The following UBR3 variants were observed in gnomAD, a reference collection of about 807,000 sequenced individuals.
The protein encoded by UBR3 is E3 ubiquitin-protein ligase UBR3.
Under a neutral mutation model 243.2 loss-of-function variants are expected in UBR3, and 85 were observed. The ratio of observed to expected loss-of-function variants is 0.35; its 90% CI spans 0.29 to 0.42. The LOEUF (loss-of-function observed/expected upper bound fraction) is 0.42, where lower values mean the gene tolerates loss of function less well. Ranked by LOEUF, UBR3 falls within the 10% of genes least tolerant of loss-of-function variation. UBR3 has a pLI of 1.00. For synonymous variants in UBR3, 748 were observed against 799.8 expected, an observed-to-expected ratio of 0.94 and a Z score of 1.09; for missense variants, 1,686 against 2,300.8, an observed-to-expected ratio of 0.73 and a Z score of 5.47.
intron 31 of UBR3, among the ~76,000 whole-genome samples, chr2:170,031,898 C>T (rs966954980): frequency 2.6e-5 from 4 of 152,120 alleles, no homozygotes; most frequent in African/African-American, 9.7e-5. Context: ...TATATAGGTA[C>T]TACATTTTCT....
intron 30 of UBR3, among the ~76,000 whole-genome samples, chr2:170,022,636 A>G (rs1480400460): frequency 6.6e-6 from 1 of 152,212 alleles, no homozygotes; most frequent in Admixed American, 6.5e-5. Flanking sequence ...TGATATATCC[A>G]TCATAGTTAA....
intron 25 of UBR3, among the ~76,000 whole-genome samples, chr2:169,993,780 G>A (rs1044759541): frequency 3.3e-5 from 5 of 152,138 alleles, no homozygotes; most frequent in African/African-American, 1.2e-4. Flanking sequence ...GTCAGTGAAC[G>A]TATTGTATTA....
chr2:170,057,923 A>G lies in UBR3; in HGVS notation c.4785+2339A>G, dbSNP rs114902107. Among the ~76,000 whole-genome samples the G allele has an allele frequency of 1.5e-3, 233 of 152,308 alleles. 1 individual carries two copies. Among genetic ancestry groups the G allele is most frequent in the African/African-American group, 5.2e-3 (217 of 41,574 alleles). On this transcript the variant is annotated intron_variant, in intron 33 of 38. Transcript: ENST00000272793. Reference sequence around the variant, plus strand: ...AGCTTTTTCTATAATAGACATAAACATTTAGATACATAGCAGTTTGTAAAT... The same window carrying G: ...AGCTTTTTCTATAATAGACATAAACGTTTAGATACATAGCAGTTTGTAAAT...
chr2:170,043,970 T>G (rs2091025494), intron 32 of UBR3, among the ~76,000 whole-genome samples: 1 of 152,180 alleles, frequency 6.6e-6, no homozygotes, highest in South Asian at 2.1e-4. Flanking sequence ...CCATTCCTTA[T>G]TAATTTTTTT....
intron 1 of UBR3, among the ~76,000 whole-genome samples, chr2:169,828,670 T>G (rs56154841): frequency 0.47 from 70,834 of 151,842 alleles, 18,492 homozygotes; most frequent in Non-Finnish European, 0.6. Flanking sequence ...TGTCAGTGGA[T>G]TATTTGGTAT....
At chr2:170,074,562 A>G (rs746825303) in intron 36 of UBR3, among the ~76,000 whole-genome samples, 4 of 152,178 alleles carry the variant, frequency 2.6e-5, no homozygotes, top group Non-Finnish European at 5.9e-5. Context: ...AGAATGTTTC[A>G]TAAGTATGCT....
intron 1 of UBR3, among the ~76,000 whole-genome samples, chr2:169,860,078 A>G (rs566527373): frequency 1.3e-5 from 2 of 152,266 alleles, no homozygotes; most frequent in Non-Finnish European, 1.5e-5. Context: ...TTCCATCATT[A>G]TGCTTTCATT....
At chr2:169,909,753 ATATATC>A (rs2085177256) in intron 10 of UBR3, among the ~76,000 whole-genome samples, 1 of 151,688 alleles carries the variant, frequency 6.6e-6, no homozygotes, top group African/African-American at 2.4e-5. Context: ...ATATATATAT[ATATATC>A]TTGAAACATC....
chr2:170,079,340 T>C (rs888830950), intron 36 of UBR3, among the ~76,000 whole-genome samples: 1 of 152,192 alleles, frequency 6.6e-6, no homozygotes, highest in African/African-American at 2.4e-5. Context: ...AGGAAAGCAA[T>C]TCTACATTAT....
intron 5 of UBR3, among the ~76,000 whole-genome samples, chr2:169,889,175 C>A (rs1354748402): frequency 6.6e-6 from 1 of 152,114 alleles, no homozygotes; most frequent in African/African-American, 2.4e-5. Context: ...ATGTTAAGGC[C>A]AACTCAGTGG....
chr2:169,930,588 G>A (rs2086084264), intron 18 of UBR3, among the ~76,000 whole-genome samples: 1 of 152,000 alleles, frequency 6.6e-6, no homozygotes, highest in Non-Finnish European at 1.5e-5. Flanking sequence ...GCCTTGCTGT[G>A]TTGCCCAGGC....
chr2:169,841,312 T>A (rs1236615700), intron 1 of UBR3, among the ~76,000 whole-genome samples: 1 of 152,166 alleles, frequency 6.6e-6, no homozygotes, highest in African/African-American at 2.4e-5. Flanking sequence ...AATATCCTAG[T>A]TTATAGCTCT....
chr2:170,063,442 G>A (rs1046105953), intron 35 of UBR3, among the ~76,000 whole-genome samples: 1 of 150,502 alleles, frequency 6.6e-6, no homozygotes, highest in Non-Finnish European at 1.5e-5. Flanking sequence ...CTTTTATTTA[G>A]TTTCTGTCAT....
intron 5 of UBR3, among the ~76,000 whole-genome samples, chr2:169,882,195 ATAAT>A (rs2083900761): frequency 7.9e-6 from 1 of 127,274 alleles, no homozygotes; most frequent in African/African-American, 3.0e-5. Flanking sequence ...TGTGTAATAA[ATAAT>A]ATACACATTT....
At chr2:170,068,552 T>G (rs72876454) in intron 35 of UBR3, among the ~76,000 whole-genome samples, 6,697 of 152,146 alleles carry the variant, frequency 0.044, 235 homozygotes, top group Non-Finnish European at 0.067. Flanking sequence ...CATATGAAGC[T>G]AGAAATAGAG....
chr2:169,997,572 C>T (rs1487958906), intron 26 of UBR3, among the ~76,000 whole-genome samples: 1 of 152,058 alleles, frequency 6.6e-6, no homozygotes, highest in Non-Finnish European at 1.5e-5. Context: ...CCGCTACCCA[C>T]AGCTCTGTGA....
In UBR3 at chr2:169,857,082, T is replaced by G. The variant is rs1267288813; in HGVS notation, c.546-15154T>G. 3.4e-4 allele frequency among the ~76,000 whole-genome samples: 45 copies of G among 130,770 alleles called. 1 individual carries two copies. The highest frequency in any genetic ancestry group is 2.4e-3 in the Admixed American group (31 of 12,954). The allele number at this position is 130,770 out of a possible 152,430, so 85.8% of individuals were successfully genotyped here. On this transcript the variant is annotated intron_variant, in intron 1 of 38. Transcript: ENST00000272793. ...TTATTATGTTTTTTTTTTTTTTTTT[T>G]TTTTTTTTTGAGACGGAGTCTTGTT...
At chr2:169,877,151 T>C (rs2083650493) in intron 3 of UBR3, among the ~76,000 whole-genome samples, 1 of 152,224 alleles carries the variant, frequency 6.6e-6, no homozygotes, top group Non-Finnish European at 1.5e-5. Context: ...ACATAATTAT[T>C]ATCTACCATA....
At chr2:169,845,492 TTCG>T (rs746655489) in intron 1 of UBR3, among the ~76,000 whole-genome samples, 6 of 123,524 alleles carry the variant, frequency 4.9e-5, no homozygotes, top group East Asian at 2.2e-4. Context: ...CCTTTCCCTC[TTCG>T]TCGTCATCGT....
Sources: allele counts gnomAD v4.1 joint callset (sites outside exome capture counted in the v4.1 genomes callset), GRCh38; gene constraint gnomAD v4.1.1; transcripts MANE v1.5; gene names NCBI Gene and HGNC (gene_info 2026-07-23, HGNC 2026-07-21).